The following PCDH11Y variants were observed in gnomAD, a reference collection of about 807,000 sequenced individuals.
The protein encoded by PCDH11Y is protocadherin 11 Y-linked.
For synonymous variants in PCDH11Y, 9 were observed against 83.6 expected (o/e 0.11, Z 4.87); for missense variants, 12 against 224.8 (o/e 0.05, Z 6.05).
chrY:5,624,052 A>G (rs2053503846), intron 4 of PCDH11Y, among the ~76,000 whole-genome samples: 2 of 32,822 alleles, frequency 6.1e-5, no homozygotes, highest in African/African-American at 2.4e-4. Flanking sequence ...GCAGTTCTCT[A>G]ATGATTAGTA....
chrY:5,013,933 T>C (rs2052556927), intron 1 of PCDH11Y, among the ~76,000 whole-genome samples: 1 of 29,001 alleles, frequency 3.4e-5, no homozygotes, highest in African/African-American at 1.3e-4. Context: ...TCAAAGCAGA[T>C]TTATCATGAA....
At chrY:5,384,232 C>T in intron 2 of PCDH11Y, among the ~76,000 whole-genome samples, 1 of 32,274 alleles carries the variant, frequency 3.1e-5, no homozygotes, top group Non-Finnish European at 7.5e-5. Context: ...TCTCAGTCTG[C>T]TGTATTTTCA....
chrY:5,251,451 G>A, intron 2 of PCDH11Y, among the ~76,000 whole-genome samples: 1 of 13,858 alleles, frequency 7.2e-5, no homozygotes, highest in Non-Finnish European at 1.7e-4. Flanking sequence ...ATAAAGGGAC[G>A]CTTCTAGACT....
intron 2 of PCDH11Y, among the ~76,000 whole-genome samples, chrY:5,461,091 A>T: frequency 3.0e-5 from 1 of 33,101 alleles, no homozygotes; most frequent in East Asian, 7.9e-4. Flanking sequence ...GGTAAAAAAA[A>T]CTAAGGTTTA....
intron 2 of PCDH11Y, among the ~76,000 whole-genome samples, chrY:5,408,960 A>C: frequency 3.1e-5 from 1 of 32,767 alleles, no homozygotes; most frequent in Non-Finnish European, 7.5e-5. Flanking sequence ...AAGAGGACCC[A>C]AAATGACTAC....
intron 2 of PCDH11Y, among the ~76,000 whole-genome samples, chrY:5,470,360 A>G: frequency 6.2e-5 from 2 of 32,369 alleles, no homozygotes; most frequent in African/African-American, 2.4e-4. Context: ...TATTTATTAT[A>G]AATTCTTCTC....
chrY:5,294,427 T>A, intron 2 of PCDH11Y, among the ~76,000 whole-genome samples: 1 of 31,765 alleles, frequency 3.1e-5, no homozygotes, highest in Non-Finnish European at 7.6e-5. Context: ...CATCCAATTT[T>A]TGTATTTTTA....
chrY:5,386,338 T>G, intron 2 of PCDH11Y, among the ~76,000 whole-genome samples: 2 of 32,784 alleles, frequency 6.1e-5, no homozygotes, highest in Non-Finnish European at 1.5e-4. Flanking sequence ...TGCCTAGACA[T>G]GATCTTTTTG....
At chrY:5,542,294 A>G (rs2053408207) in intron 3 of PCDH11Y, among the ~76,000 whole-genome samples, 1 of 33,343 alleles carries the variant, frequency 3.0e-5, no homozygotes. Context: ...TCAGAATATA[A>G]GTGGCTTTCC....
chrY:5,450,687 A>AT (rs2053292459), intron 2 of PCDH11Y, among the ~76,000 whole-genome samples: 1 of 33,110 alleles, frequency 3.0e-5, no homozygotes, highest in African/African-American at 1.2e-4. Flanking sequence ...TATATTTATA[A>AT]TTTTTTGTTA....
chrY:5,690,345 G>A, intron 4 of PCDH11Y, among the ~76,000 whole-genome samples: 1 of 32,614 alleles, frequency 3.1e-5, no homozygotes, highest in Non-Finnish European at 7.5e-5. Flanking sequence ...CACAGAATGA[G>A]TGTTTTAAAT....
At chrY:5,343,496 G>A in intron 2 of PCDH11Y, among the ~76,000 whole-genome samples, 1 of 32,657 alleles carries the variant, frequency 3.1e-5, no homozygotes, top group African/African-American at 1.2e-4. Context: ...CTCATGATCC[G>A]CCCTCCTCAG....
intron 2 of PCDH11Y, chrY:5,114,401 G>A: frequency 1.8e-5 from 1 of 54,845 alleles, no homozygotes; most frequent in Admixed American, 2.0e-4. Flanking sequence ...TTTTTGTTAA[G>A]ACACCGCTGC....
At chrY:5,318,236 C>T (rs2124665437) in intron 2 of PCDH11Y, among the ~76,000 whole-genome samples, 1 of 32,908 alleles carries the variant, frequency 3.0e-5, no homozygotes, top group South Asian at 7.1e-4. Flanking sequence ...TCTATGCATG[C>T]TCAGCCCTTC....
chrY:5,537,581 C>T (rs2124692424), intron 3 of PCDH11Y, among the ~76,000 whole-genome samples: 1 of 32,282 alleles, frequency 3.1e-5, no homozygotes, highest in East Asian at 8.2e-4. Context: ...CGTAGGGGAA[C>T]CTGGGATTTG....
chrY:5,365,437 G>A (rs1403249822), intron 2 of PCDH11Y, among the ~76,000 whole-genome samples: 1 of 32,290 alleles, frequency 3.1e-5, no homozygotes, highest in Non-Finnish European at 7.6e-5. Flanking sequence ...GAGAATTTAT[G>A]GAAATGAAGA....
At chrY:5,382,087 C>T in intron 2 of PCDH11Y, among the ~76,000 whole-genome samples, 2 of 33,516 alleles carry the variant, frequency 6.0e-5, no homozygotes, top group East Asian at 8.0e-4. Context: ...ACCTAAAACT[C>T]GGCAAAGAAA....
intron 2 of PCDH11Y, among the ~76,000 whole-genome samples, chrY:5,201,324 C>T: frequency 3.0e-5 from 1 of 33,043 alleles, no homozygotes; most frequent in African/African-American, 1.2e-4. Flanking sequence ...CCAGGAAATG[C>T]ACTTAAATTG....
chrY:5,010,197 C>G (rs2052546773), intron 1 of PCDH11Y, among the ~76,000 whole-genome samples: 1 of 23,296 alleles, frequency 4.3e-5, no homozygotes, highest in Non-Finnish European at 1.0e-4. Flanking sequence ...CAGAGCAGGA[C>G]TCCGTCTCAA....
Sources: allele counts gnomAD v4.1 joint callset (sites outside exome capture counted in the v4.1 genomes callset), GRCh38; gene constraint gnomAD v4.1.1; transcripts MANE v1.5; gene names NCBI Gene and HGNC (gene_info 2026-07-23, HGNC 2026-07-21).